RAD50: variants seen among roughly 807,000 people sequenced by gnomAD.
The protein encoded by RAD50 is RAD50 double strand break repair protein.
RAD50 carries 132 observed loss-of-function variants against 168.8 expected under a neutral mutation model. The ratio of observed to expected loss-of-function variants is 0.78; its 90% CI spans 0.68 to 0.90. The LOEUF is 0.90. Among genes scored for constraint, RAD50 ranks in the 40% least tolerant of loss-of-function variants. The pLI is 0.00. For synonymous variants in RAD50, 525 were observed against 497.4 expected, an observed-to-expected ratio of 1.06 and a Z score of -0.74; for missense variants, 1,347 against 1,534.4, an observed-to-expected ratio of 0.88 and a Z score of 2.04.
intron 2 of RAD50, 81 bp downstream of exon 2, chr5:132,559,448 A>G (rs1750082797): frequency 7.1e-7 from 1 of 1,417,306 alleles, no homozygotes; most frequent in Non-Finnish European, 9.6e-7. Context: ...GCACTGGAAA[A>G]CTATAAAGAG....
chr5:132,598,913 T>C (rs1449422713), intron 13 of RAD50, among the ~76,000 whole-genome samples: 1 of 152,238 alleles, frequency 6.6e-6, no homozygotes, highest in Admixed American at 6.5e-5. Context: ...GGGAGGATAC[T>C]GTATCTCTTG....
At chr5:132,581,366 C>T (rs1246547904) in intron 5 of RAD50, among the ~76,000 whole-genome samples, 1 of 152,090 alleles carries the variant, frequency 6.6e-6, no homozygotes, top group African/African-American at 2.4e-5. Flanking sequence ...GTGATCTGCC[C>T]GCCTCGGCCT....
At chr5:132,558,704 ACT>A (rs1289748019) in intron 1 of RAD50, among the ~76,000 whole-genome samples, 5 of 112,658 alleles carry the variant, frequency 4.4e-5, no homozygotes, top group Admixed American at 1.2e-4. Flanking sequence ...ACAGAGGGAG[ACT>A]CTCTCCCCCC....
At chr5:132,611,642 C>T (rs533708105) in intron 19 of RAD50, among the ~76,000 whole-genome samples, 73 of 134,812 alleles carry the variant, frequency 5.4e-4, no homozygotes, top group African/African-American at 2.0e-3. Flanking sequence ...GGAGGCAGAG[C>T]TTGCAGTGAG....
chr5:132,627,979 G>A (rs903344321), intron 21 of RAD50, among the ~76,000 whole-genome samples: 3 of 152,164 alleles, frequency 2.0e-5, no homozygotes, highest in African/African-American at 4.8e-5. Context: ...GTGTAAGGGA[G>A]GGAAAGTAAA....
At chr5:132,599,815 A>C (rs1750855910) in intron 13 of RAD50, among the ~76,000 whole-genome samples, 1 of 152,044 alleles carries the variant, frequency 6.6e-6, no homozygotes, top group African/African-American at 2.4e-5. Flanking sequence ...GGGTGACCTT[A>C]GGGATGTTAC....
intron 13 of RAD50, among the ~76,000 whole-genome samples, chr5:132,599,274 A>C (rs1287085765): frequency 6.6e-6 from 1 of 152,190 alleles, no homozygotes; most frequent in African/African-American, 2.4e-5. Flanking sequence ...AAAATGGACC[A>C]AGATGCTGGC....
chr5:132,630,072 C>T (rs1301703304), intron 21 of RAD50, among the ~76,000 whole-genome samples: 19 of 137,444 alleles, frequency 1.4e-4, no homozygotes, highest in Admixed American at 3.7e-4. Flanking sequence ...GACAGAGTTT[C>T]GCTCTTTTTG....
intron 3 of RAD50, among the ~76,000 whole-genome samples, chr5:132,578,437 C>T (rs143154878): frequency 7.9e-5 from 12 of 151,840 alleles, no homozygotes; most frequent in African/African-American, 2.9e-4. Context: ...TCCATGACCT[C>T]ATGTGATAAC....
At chr5:132,602,398 T>C (rs1750904332) in intron 13 of RAD50, among the ~76,000 whole-genome samples, 1 of 152,112 alleles carries the variant, frequency 6.6e-6, no homozygotes, top group Non-Finnish European at 1.5e-5. Flanking sequence ...ATACATATTA[T>C]TGTTTCAGAG....
intron 21 of RAD50, among the ~76,000 whole-genome samples, chr5:132,622,689 T>G (rs1751306166): frequency 6.6e-6 from 1 of 152,238 alleles, no homozygotes; most frequent in African/African-American, 2.4e-5. Flanking sequence ...TATTTTTTAA[T>G]TTCACATTTT....
At chr5:132,585,787 T>A (rs1167148152) in intron 5 of RAD50, among the ~76,000 whole-genome samples, 1 of 151,888 alleles carries the variant, frequency 6.6e-6, no homozygotes, top group Non-Finnish European at 1.5e-5. Context: ...AGAGGCAAGG[T>A]CTCACCAGGT....
At chr5:132,562,965 T>C (rs1026211693) in intron 2 of RAD50, among the ~76,000 whole-genome samples, 1 of 152,170 alleles carries the variant, frequency 6.6e-6, no homozygotes, top group Non-Finnish European at 1.5e-5. Context: ...CTGTGTCAAA[T>C]ATGTTGATAG....
chr5:132,597,699 C>T (rs956726349), intron 13 of RAD50, among the ~76,000 whole-genome samples: 3 of 152,148 alleles, frequency 2.0e-5, no homozygotes, highest in African/African-American at 7.2e-5. Flanking sequence ...GAGTCAGAAG[C>T]GTATCTCTTG....
intron 19 of RAD50, among the ~76,000 whole-genome samples, chr5:132,611,506 C>A (rs543339417): frequency 6.6e-6 from 1 of 151,734 alleles, no homozygotes; most frequent in Admixed American, 6.6e-5. Context: ...GAGATCGAGA[C>A]CATCCTGGCT....
chr5:132,575,743 G>A (rs772516458), intron 2 of RAD50, 34 bp from the exon 3 acceptor site: 37 of 1,551,882 alleles, frequency 2.4e-5, no homozygotes, highest in Non-Finnish European at 3.2e-5. Context: ...GCTTATTAAA[G>A]TAACATAAGT....
intron 16 of RAD50, 132 bp downstream of exon 16, chr5:132,605,131 A>G (rs1750962336): frequency 5.1e-6 from 3 of 583,684 alleles, no homozygotes; most frequent in Non-Finnish European, 8.2e-6. Context: ...TGCAACCTCC[A>G]TCTCCTGGGT....
At chr5:132,615,770 A>G (rs1338595766) in intron 19 of RAD50, among the ~76,000 whole-genome samples, 1 of 152,216 alleles carries the variant, frequency 6.6e-6, no homozygotes, top group Non-Finnish European at 1.5e-5. Flanking sequence ...GTTGTGAAAG[A>G]GCAGTAAAAG....
Position 132,594,914 on chromosome 5 carries a change from T to C in RAD50, c.1839T>C (p.Asn613=), listed in dbSNP as rs1316773244. ...SSEQNKNHIN[N]ELKRKEEQLS... ...AGCAGAATAAAAATCATATAAATAA[T>C]GAACTAAAAAGAAAGGAAGAGCAGT... The change falls in exon 12 of 25, where the codon AAT becomes AAC. Residue 613 remains asparagine (N), a synonymous_variant. Coordinates refer to ENST00000378823, the MANE Select transcript of RAD50 (RefSeq NM_005732.4). The C allele has an allele frequency of 1.9e-6, 3 of 1,607,462 alleles. No individual in the cohort carries two copies. Among genetic ancestry groups the C allele is most frequent in the Non-Finnish European group, 2.6e-6 (3 of 1,173,988 alleles).
Sources: allele counts gnomAD v4.1 joint callset (sites outside exome capture counted in the v4.1 genomes callset), GRCh38; gene constraint gnomAD v4.1.1; transcripts MANE v1.5; gene names NCBI Gene and HGNC (gene_info 2026-07-23, HGNC 2026-07-21).